The following FMNL2 variants were observed in gnomAD, a reference collection of about 807,000 sequenced individuals.
The protein encoded by FMNL2 is formin like 2, also known as formin-like protein 2.
FMNL2 carries 51 observed loss-of-function variants against 130.2 expected under a neutral mutation model. The observed-to-expected ratio is 0.39, with a 90% confidence interval of 0.31 to 0.49. The LOEUF (loss-of-function observed/expected upper bound fraction) is 0.49, where lower values mean the gene tolerates loss of function less well. FMNL2 is among the 20% of genes least tolerant of loss of function. The pLI, the probability that FMNL2 is intolerant of heterozygous loss-of-function variation, is 0.85. For synonymous variants in FMNL2, 465 were observed against 467.1 expected, an observed-to-expected ratio of 1.00 and a Z score of 0.06; for missense variants, 977 against 1,316.2, an observed-to-expected ratio of 0.74 and a Z score of 3.99.
chr2:152,531,675 C>T (rs994767902), intron 2 of FMNL2, among the ~76,000 whole-genome samples: 2 of 152,026 alleles, frequency 1.3e-5, no homozygotes, highest in Admixed American at 1.3e-4. Flanking sequence ...AGGGTTTCAC[C>T]ATGTTGGCCA....
intron 1 of FMNL2, among the ~76,000 whole-genome samples, chr2:152,422,739 G>T (rs1170789996): frequency 1.3e-5 from 2 of 152,124 alleles, no homozygotes; most frequent in East Asian, 3.8e-4. Flanking sequence ...ATGTTTCCCA[G>T]GCTGGTCTTG....
At chr2:152,500,595 A>G (rs1691767610) in intron 1 of FMNL2, among the ~76,000 whole-genome samples, 1 of 152,230 alleles carries the variant, frequency 6.6e-6, no homozygotes, top group African/African-American at 2.4e-5. Flanking sequence ...CACGCCTGTA[A>G]TCCTAGCACT....
chr2:152,572,932 C>T (rs888442085), intron 6 of FMNL2, among the ~76,000 whole-genome samples: 1 of 152,068 alleles, frequency 6.6e-6, no homozygotes, highest in African/African-American at 2.4e-5. Context: ...TAACCCATGG[C>T]ACAGTCCCTA....
rs1682739955 is a variant in FMNL2, at chr2:152,637,680, T to C, written c.2946+6T>C. ...GGTTTGTGAAAGCATATAAGGTATA[T>C]GTTAAGGCCCTCCTTGCCCTTATTT... On this transcript the variant is annotated splice_donor_region_variant and intron_variant, in intron 23 of 25. Coordinates refer to ENST00000288670, the MANE Select transcript of FMNL2 (RefSeq NM_052905.4). 1.9e-6 allele frequency: 3 copies of C among 1,611,846 alleles called. No individual in the cohort carries two copies. The highest frequency in any genetic ancestry group is 4.5e-5 in the East Asian group (2 of 44,876).
chr2:152,417,136 C>T (rs1686661344), intron 1 of FMNL2, among the ~76,000 whole-genome samples: 1 of 152,210 alleles, frequency 6.6e-6, no homozygotes, highest in African/African-American at 2.4e-5. Context: ...CACGAAATTA[C>T]CTGAACAAAC....
At position 152,458,299 on chromosome 2, in the gene FMNL2, G is replaced by A. The variant is rs1158547695; in HGVS notation, c.118-63644G>A. Among the ~76,000 whole-genome samples the A allele has an allele frequency of 3.3e-5, 5 of 152,186 alleles. No individual in the cohort carries two copies. In the East Asian group the frequency reaches 7.7e-4, roughly 24 times the overall value. On this transcript the variant is annotated intron_variant, in intron 1 of 25. Coordinates refer to ENST00000288670, the MANE Select transcript of FMNL2 (RefSeq NM_052905.4). ...ATTCCCTGACTCAGAAATACTCCTTGGCTTGGCACTCAGAGAACTCCATAG... is the reference window on the plus strand; with the variant it reads ...ATTCCCTGACTCAGAAATACTCCTTAGCTTGGCACTCAGAGAACTCCATAG...
At chr2:152,412,134 A>G (rs942495919) in intron 1 of FMNL2, among the ~76,000 whole-genome samples, 2 of 152,036 alleles carry the variant, frequency 1.3e-5, no homozygotes, top group Non-Finnish European at 2.9e-5. Context: ...ATCACTCATT[A>G]AAGCCTTCTC....
In FMNL2 at chr2:152,648,197, A is replaced by C; in HGVS notation, c.*292A>C. 1 of 308,572 alleles carries C rather than the reference A, an allele frequency of 3.2e-6. No individual in the cohort carries two copies. Among genetic ancestry groups the C allele is most frequent in the Non-Finnish European group, 6.0e-6 (1 of 167,600 alleles). 19.1% of individuals were successfully genotyped at this position (308,572 alleles called of 1,614,324 possible). ...AACCAAAATGTAAAGTTCTTATTAA[A>C]CTCATTACCTGCCATTGTGATTGTC... On this transcript the variant is annotated 3_prime_UTR_variant, in exon 26 of 26. Transcript: ENST00000288670.
chr2:152,612,256 C>A (rs555956712), intron 11 of FMNL2, among the ~76,000 whole-genome samples: 1 of 152,194 alleles, frequency 6.6e-6, no homozygotes. Flanking sequence ...GCTGATGGCT[C>A]ACACCTGTAA....
At chr2:152,645,024 A>C (rs537456267) in intron 25 of FMNL2, among the ~76,000 whole-genome samples, 4 of 152,230 alleles carry the variant, frequency 2.6e-5, no homozygotes, top group Non-Finnish European at 5.9e-5. Flanking sequence ...ATTTTGTGGC[A>C]TAACTATTCT....
chr2:152,547,534 C>T (rs1188280581), intron 3 of FMNL2, among the ~76,000 whole-genome samples: 1 of 152,118 alleles, frequency 6.6e-6, no homozygotes, highest in East Asian at 1.9e-4. Flanking sequence ...GGGGGCTCTG[C>T]TTAGAAGCAG....
intron 1 of FMNL2, among the ~76,000 whole-genome samples, chr2:152,400,916 C>T (rs528174945): frequency 6.6e-4 from 101 of 152,214 alleles, no homozygotes; most frequent in Non-Finnish European, 1.3e-3. Context: ...CCACGTGTAT[C>T]CTGCCCAAAC....
At chr2:152,488,008 G>A (rs1291894183) in intron 1 of FMNL2, among the ~76,000 whole-genome samples, 2 of 152,094 alleles carry the variant, frequency 1.3e-5, no homozygotes, top group Non-Finnish European at 2.9e-5. Context: ...TTGAACTCCT[G>A]ACCTCAAGTG....
intron 1 of FMNL2, among the ~76,000 whole-genome samples, chr2:152,457,343 C>G (rs1235645067): frequency 6.6e-6 from 1 of 152,208 alleles, no homozygotes; most frequent in Non-Finnish European, 1.5e-5. Flanking sequence ...ACATTCCCAT[C>G]ATTGTGGTGA....
At position 152,625,316 on chromosome 2, in the gene FMNL2, C is replaced by T. The variant is rs1580127201; in HGVS notation, c.1838-122C>T. The T allele has an allele frequency of 6.0e-6, 7 of 1,170,456 alleles. No individual in the cohort carries two copies. The South Asian group carries it at 1.1e-4, about 19-fold the overall frequency. The allele number at this position is 1,170,456 out of a possible 1,614,324, so 72.5% of individuals were successfully genotyped here. A position where few individuals can be genotyped will look rare whatever the true frequency, so the allele number is the denominator to read the frequency against. ...TTTTCCAGCTTTAAAAACCTACTTGCGCGCCTCTTGCCAACCTTCCTCCAG... is the reference window on the plus strand; with the variant it reads ...TTTTCCAGCTTTAAAAACCTACTTGTGCGCCTCTTGCCAACCTTCCTCCAG... On this transcript the variant is annotated intron_variant, in intron 15 of 25. Transcript: ENST00000288670.
chr2:152,522,283 C>T (rs970155130), intron 2 of FMNL2, among the ~76,000 whole-genome samples: 6 of 152,248 alleles, frequency 3.9e-5, no homozygotes, highest in South Asian at 2.1e-4. Context: ...TGAGATGCTT[C>T]CAAGAAATTA....
At chr2:152,515,378 T>C (rs908567010) in intron 1 of FMNL2, among the ~76,000 whole-genome samples, 12 of 152,198 alleles carry the variant, frequency 7.9e-5, no homozygotes, top group African/African-American at 2.7e-4. Context: ...ATATATTGAT[T>C]TGACACTGTA....
intron 9 of FMNL2, among the ~76,000 whole-genome samples, chr2:152,603,323 T>A (rs1698189720): frequency 6.6e-6 from 1 of 152,144 alleles, no homozygotes; most frequent in African/African-American, 2.4e-5. Flanking sequence ...GCATTTGTAT[T>A]CATAATGTCA....
intron 1 of FMNL2, among the ~76,000 whole-genome samples, chr2:152,336,255 G>T (rs1169069779): frequency 6.6e-6 from 1 of 152,098 alleles, no homozygotes; most frequent in African/African-American, 2.4e-5. Flanking sequence ...GAGGGCTCAC[G>T]TCGCGGCTTG....
Sources: allele counts gnomAD v4.1 joint callset (sites outside exome capture counted in the v4.1 genomes callset), GRCh38; gene constraint gnomAD v4.1.1; transcripts MANE v1.5; gene names NCBI Gene and HGNC (gene_info 2026-07-23, HGNC 2026-07-21).